The following SOX5 variants were observed in gnomAD, a reference collection of about 807,000 sequenced individuals.
SOX5 encodes the protein SRY-box transcription factor 5.
Under a neutral mutation model 92.0 loss-of-function variants are expected in SOX5, and 9 were observed. That is an observed-to-expected ratio of 0.10 (90% CI 0.06 to 0.17). SOX5 has a LOEUF of 0.17. Ranked by LOEUF, SOX5 falls within the 10% of genes least tolerant of loss-of-function variation. The pLI, the probability that SOX5 is intolerant of heterozygous loss-of-function variation, is 1.00. For missense variants in SOX5, 642 were observed against 944.5 expected, an observed-to-expected ratio of 0.68 and a Z score of 4.20; for synonymous variants, 344 against 336.3, an observed-to-expected ratio of 1.02 and a Z score of -0.25.
At chr12:23,942,237 G>A (rs983287510) in intron 1 of SOX5, among the ~76,000 whole-genome samples, 11 of 151,650 alleles carry the variant, frequency 7.3e-5, no homozygotes, top group African/African-American at 2.7e-4. Flanking sequence ...TTTTCATTAG[G>A]ATGATCTTTT....
At chr12:24,244,955 G>T (rs557183980) in intron 3 of SOX5, among the ~76,000 whole-genome samples, 17 of 152,236 alleles carry the variant, frequency 1.1e-4, no homozygotes, top group African/African-American at 3.9e-4. Flanking sequence ...AAAGTGCTGG[G>T]ATTACAGGCG....
intron 4 of SOX5, among the ~76,000 whole-genome samples, chr12:24,049,613 T>A (rs1957356871): frequency 6.7e-6 from 1 of 150,316 alleles, no homozygotes; most frequent in South Asian, 2.1e-4. Context: ...TATCTCATAA[T>A]GTTGATATTT....
intron 4 of SOX5, among the ~76,000 whole-genome samples, chr12:24,012,743 T>C (rs1352384696): frequency 6.6e-6 from 1 of 152,154 alleles, no homozygotes; most frequent in South Asian, 2.1e-4. Context: ...TTTTAACCAC[T>C]GTTTTAGGGC....
At chr12:23,706,566 G>C (rs906122085) in intron 6 of SOX5, among the ~76,000 whole-genome samples, 5 of 151,712 alleles carry the variant, frequency 3.3e-5, no homozygotes, top group African/African-American at 1.2e-4. Context: ...CTCCAGCTAG[G>C]TAAAAAAACA....
At chr12:23,790,749 C>T (rs1359585023) in intron 3 of SOX5, among the ~76,000 whole-genome samples, 1 of 152,104 alleles carries the variant, frequency 6.6e-6, no homozygotes, top group East Asian at 1.9e-4. Context: ...CAGTTACAAG[C>T]CGGCCTATCC....
intron 3 of SOX5, among the ~76,000 whole-genome samples, chr12:23,802,027 C>T (rs1020145318): frequency 5.9e-5 from 9 of 152,052 alleles, no homozygotes; most frequent in Non-Finnish European, 8.8e-5. Context: ...AAATATTACA[C>T]GTAGAACAAA....
chr12:23,841,746 T>A (rs1476718893), intron 3 of SOX5, among the ~76,000 whole-genome samples: 1 of 152,068 alleles, frequency 6.6e-6, no homozygotes, highest in Non-Finnish European at 1.5e-5. Flanking sequence ...AAGGGAAAAC[T>A]ATACATGGTA....
intron 1 of SOX5, among the ~76,000 whole-genome samples, chr12:24,493,084 A>C (rs1334929145): frequency 1.3e-5 from 2 of 152,124 alleles, no homozygotes; most frequent in Non-Finnish European, 1.5e-5. Flanking sequence ...ATCTCTTGTT[A>C]AGAGTATTTT....
intron 1 of SOX5, 142 bp downstream of exon 1, chr12:23,949,422 T>C: frequency 1.0e-6 from 1 of 991,828 alleles, no homozygotes; most frequent in South Asian, 1.4e-5. Context: ...CAACAAAAAA[T>C]CAGCTAACAA....
chr12:23,716,835 G>A (rs79803642), intron 6 of SOX5, among the ~76,000 whole-genome samples: 4,488 of 152,266 alleles, frequency 0.029, 72 homozygotes, highest in African/African-American at 0.051. Flanking sequence ...AAAGTCTGCT[G>A]TTTCTAAATC....
chr12:23,634,864 C>A (rs1421949198), intron 8 of SOX5, among the ~76,000 whole-genome samples: 1 of 151,944 alleles, frequency 6.6e-6, no homozygotes, highest in African/African-American at 2.4e-5. Context: ...TATTATAAAG[C>A]AAGATAGCTA....
chr12:24,107,937 C>T (rs577662454), intron 4 of SOX5, among the ~76,000 whole-genome samples: 5 of 152,176 alleles, frequency 3.3e-5, no homozygotes, highest in Non-Finnish European at 4.4e-5. Flanking sequence ...TAAATTCATA[C>T]AGTGTATAGG....
intron 4 of SOX5, among the ~76,000 whole-genome samples, chr12:24,049,112 C>T (rs1057048030): frequency 2.0e-5 from 3 of 152,294 alleles, no homozygotes; most frequent in African/African-American, 7.2e-5. Context: ...AAATAGGTAG[C>T]ACATTCCCTG....
At chr12:24,205,264 A>T (rs910496800) in intron 4 of SOX5, among the ~76,000 whole-genome samples, 1 of 151,868 alleles carries the variant, frequency 6.6e-6, no homozygotes, top group Non-Finnish European at 1.5e-5. Context: ...ACTTATCCCA[A>T]CTCCTAGCAC....
chr12:24,346,706 C>T lies in SOX5; in HGVS notation c.-174+21857G>A, dbSNP rs979786911. 3.9e-5 allele frequency among the ~76,000 whole-genome samples: 6 copies of T among 152,218 alleles called. No individual in the cohort carries two copies. The South Asian group carries it at 1.2e-3, about 32-fold the overall frequency. On this transcript the variant is annotated intron_variant, in intron 2 of 4. Transcript: ENST00000446891. Reference sequence around the variant, plus strand: ...GACCTTGTGATCCACCCGCCTTGGCCTCCCAAAGTGCTCGGATTACAGGCA... The same window carrying T: ...GACCTTGTGATCCACCCGCCTTGGCTTCCCAAAGTGCTCGGATTACAGGCA...
At chr12:23,723,328 C>T (rs919132027) in intron 6 of SOX5, among the ~76,000 whole-genome samples, 17 of 150,262 alleles carry the variant, frequency 1.1e-4, no homozygotes, top group South Asian at 6.4e-4. Flanking sequence ...TTTTATTCAA[C>T]GAAAACATAA....
chr12:24,475,386 C>G (rs1403927826), intron 1 of SOX5, among the ~76,000 whole-genome samples: 1 of 152,166 alleles, frequency 6.6e-6, no homozygotes, highest in Non-Finnish European at 1.5e-5. Flanking sequence ...AGGCAGGAAT[C>G]GTGTACTGTT....
intron 7 of SOX5, among the ~76,000 whole-genome samples, chr12:23,657,822 T>G (rs1291330819): frequency 6.6e-6 from 1 of 152,214 alleles, no homozygotes; most frequent in African/African-American, 2.4e-5. Context: ...TTATACATTG[T>G]GAAGGAGGAG....
chr12:23,598,257 T>C (rs1195727772), intron 9 of SOX5, among the ~76,000 whole-genome samples: 1 of 152,134 alleles, frequency 6.6e-6, no homozygotes, highest in Non-Finnish European at 1.5e-5. Context: ...GTGAAAACTA[T>C]TAAATGAGGT....
Sources: allele counts gnomAD v4.1 joint callset (sites outside exome capture counted in the v4.1 genomes callset), GRCh38; gene constraint gnomAD v4.1.1; transcripts MANE v1.5; gene names NCBI Gene and HGNC (gene_info 2026-07-23, HGNC 2026-07-21).